Variants in CTIF observed in about 807,000 individuals in gnomAD.
The protein encoded by CTIF is CBP80/20-dependent translation initiation factor.
CTIF carries 21 observed loss-of-function variants against 66.0 expected under a neutral mutation model. The ratio of observed to expected loss-of-function variants is 0.32; its 90% CI spans 0.23 to 0.46. The LOEUF (loss-of-function observed/expected upper bound fraction) is 0.46. Among genes scored for constraint, CTIF ranks in the 20% least tolerant of loss-of-function variants. The pLI, the probability that CTIF is intolerant of heterozygous loss-of-function variation, is 1.00. For synonymous variants in CTIF, 345 were observed against 326.4 expected (o/e 1.06, Z -0.62); for missense variants, 739 against 812.7 (o/e 0.91, Z 1.10).
At chr18:48,716,890 A>G (rs2092287079) in intron 7 of CTIF, among the ~76,000 whole-genome samples, 1 of 152,226 alleles carries the variant, frequency 6.6e-6, no homozygotes, top group Admixed American at 6.5e-5. Flanking sequence ...TGCAAAGCAG[A>G]TTGAAAGGAA....
rs150223799 is a variant in CTIF at position 48,579,174 on chromosome 18, C to T, written c.-29+39862C>T. On this transcript the variant is annotated intron_variant, in intron 1 of 11. Transcript: ENST00000256413. ...ATGGGGTCTTGCTCTCTTGCCCAGG[C>T]TGGAGTGCAGTGGTGCAGCCTTGGC... Among the ~76,000 whole-genome samples, 1,210 of 152,238 alleles carry T rather than the reference C, an allele frequency of 7.9e-3. 12 individuals carry two copies. Among genetic ancestry groups the T allele is most frequent in the African/African-American group, 0.026 (1,059 of 41,518 alleles).
intron 3 of CTIF, among the ~76,000 whole-genome samples, chr18:48,645,639 C>T (rs189934412): frequency 6.6e-6 from 1 of 152,252 alleles, no homozygotes; most frequent in Non-Finnish European, 1.5e-5. Context: ...CAGCAGGAAC[C>T]TGACTTGCAC....
chr18:48,826,242 C>T (rs370207311), intron 10 of CTIF: 1 of 152,206 alleles, frequency 6.6e-6, no homozygotes, highest in East Asian at 1.9e-4. Flanking sequence ...TTGTGTGTTG[C>T]TGTTGAATAC....
At chr18:48,575,129 C>T (rs2089502636) in intron 1 of CTIF, among the ~76,000 whole-genome samples, 2 of 152,216 alleles carry the variant, frequency 1.3e-5, no homozygotes, top group South Asian at 4.1e-4. Flanking sequence ...TCCCAGCTTC[C>T]CCTTTTGAGG....
intron 3 of CTIF, among the ~76,000 whole-genome samples, chr18:48,640,313 T>C (rs1235303247): frequency 3.3e-5 from 5 of 152,190 alleles, no homozygotes; most frequent in African/African-American, 1.2e-4. Context: ...AGCCAGCTGG[T>C]CAACCCTAAG....
chr18:48,661,302 C>G (rs2091341840), intron 3 of CTIF, among the ~76,000 whole-genome samples: 2 of 152,318 alleles, frequency 1.3e-5, no homozygotes, highest in South Asian at 4.1e-4. Context: ...GGAGAGGCTT[C>G]AGGTCACTGG....
chr18:48,757,754 A>T (rs1329548251), intron 7 of CTIF, among the ~76,000 whole-genome samples, 165 bp from the exon 8 acceptor site: 3 of 152,212 alleles, frequency 2.0e-5, no homozygotes, highest in Non-Finnish European at 4.4e-5. Context: ...CTGTATCCCC[A>T]GGGGCTGTCA....
At chr18:48,600,860 C>T (rs2090077721) in intron 1 of CTIF, among the ~76,000 whole-genome samples, 1 of 152,152 alleles carries the variant, frequency 6.6e-6, no homozygotes, top group African/African-American at 2.4e-5. Flanking sequence ...GAGTAGCCTC[C>T]TGCTACATCA....
At chr18:48,792,301 G>C (rs976095507) in intron 9 of CTIF, among the ~76,000 whole-genome samples, 2 of 152,112 alleles carry the variant, frequency 1.3e-5, no homozygotes, top group African/African-American at 2.4e-5. Flanking sequence ...TCCAGGTCAG[G>C]GGGGTGGGTG....
At chr18:48,601,297 A>T (rs970842215) in intron 1 of CTIF, among the ~76,000 whole-genome samples, 1 of 152,246 alleles carries the variant, frequency 6.6e-6, no homozygotes, top group South Asian at 2.1e-4. Flanking sequence ...CTGCTCTGTG[A>T]GGTAGATGTA....
intron 10 of CTIF, among the ~76,000 whole-genome samples, chr18:48,849,338 C>T (rs1321918155): frequency 6.6e-6 from 1 of 150,992 alleles, no homozygotes; most frequent in African/African-American, 2.4e-5. Context: ...GCTAGAATTA[C>T]AGGCGTCTGC....
chr18:48,573,090 A>G (rs942854699), intron 1 of CTIF, among the ~76,000 whole-genome samples: 1 of 152,082 alleles, frequency 6.6e-6, no homozygotes, highest in Admixed American at 6.5e-5. Context: ...GGAGGTAGCC[A>G]ACATGTGGCT....
rs1435442596 is a variant in CTIF, at chr18:48,608,521, G to C, written c.-28-11017G>C. Among the ~76,000 whole-genome samples the C allele has an allele frequency of 3.3e-5, 5 of 152,142 alleles. No homozygotes were observed. In the South Asian group the frequency reaches 1.0e-3, roughly 32 times the overall value. ...GCAGGCAGAAGCCCAAGGGCCCAGT[G>C]AGTGGCTGCTATGAGCATTCTGAGG... On this transcript the variant is annotated intron_variant, in intron 1 of 11. Coordinates refer to ENST00000256413, the MANE Select transcript of CTIF (RefSeq NM_014772.3).
intron 1 of CTIF, among the ~76,000 whole-genome samples, chr18:48,578,578 C>G (rs563092369): frequency 6.6e-6 from 1 of 152,106 alleles, no homozygotes; most frequent in Non-Finnish European, 1.5e-5. Flanking sequence ...TGACTAATGA[C>G]GTTGAACATC....
chr18:48,685,503 A>C (rs570933068), intron 6 of CTIF, among the ~76,000 whole-genome samples: 1 of 152,144 alleles, frequency 6.6e-6, no homozygotes, highest in South Asian at 2.1e-4. Context: ...CATTACAGGC[A>C]TGAGCCACCA....
chr18:48,766,634 G>A (rs757311740), intron 9 of CTIF, among the ~76,000 whole-genome samples: 1 of 152,228 alleles, frequency 6.6e-6, no homozygotes, highest in African/African-American at 2.4e-5. Flanking sequence ...CACCGAACTG[G>A]TTCATCGCGG....
intron 6 of CTIF, among the ~76,000 whole-genome samples, chr18:48,680,516 C>G (rs577007552): frequency 1.3e-5 from 2 of 152,264 alleles, no homozygotes; most frequent in Non-Finnish European, 1.5e-5. Flanking sequence ...AGTGAGCAGG[C>G]CCCAGGCTGG....
At chr18:48,640,561 CA>C (rs2090908883) in intron 3 of CTIF, among the ~76,000 whole-genome samples, 1 of 152,212 alleles carries the variant, frequency 6.6e-6, no homozygotes, top group African/African-American at 2.4e-5. Context: ...CAATTAGTTT[CA>C]GGGAGAAACT....
intron 1 of CTIF, among the ~76,000 whole-genome samples, chr18:48,559,589 A>G (rs771303953): frequency 1.3e-5 from 2 of 152,204 alleles, no homozygotes; most frequent in Non-Finnish European, 2.9e-5. Flanking sequence ...GTTTGCATCT[A>G]TTCCACATGG....
Sources: gnomAD v4.1 joint callset for allele counts (sites outside exome capture counted in the v4.1 genomes callset) on GRCh38, gnomAD v4.1.1 for gene constraint, MANE v1.5 for transcripts, NCBI Gene and HGNC (gene_info 2026-07-23, HGNC 2026-07-21) for gene names.